TFB1M: variants seen among roughly 807,000 people sequenced by gnomAD.
The protein encoded by TFB1M is dimethyladenosine transferase 1, mitochondrial.
Under a neutral mutation model 31.1 loss-of-function variants are expected in TFB1M, and 27 were observed. The observed-to-expected ratio is 0.87, with a 90% CI of 0.64 to 1.20. TFB1M has a LOEUF of 1.20. TFB1M is among the 50% of genes most tolerant of loss of function. The probability of loss-of-function intolerance (pLI) is 0.00; values close to 1 mark genes in which losing one functional copy is unlikely to be tolerated. For synonymous variants in TFB1M, 166 were observed against 151.8 expected (o/e 1.09, Z -0.69); for missense variants, 394 against 418.7 (o/e 0.94, Z 0.51).
the TFB1M span, among the ~76,000 whole-genome samples, chr6:155,230,932 C>A: frequency 6.6e-6 from 1 of 150,984 alleles, no homozygotes; most frequent in African/African-American, 2.4e-5. Flanking sequence ...CTCCCGGGTT[C>A]AAGCAGTCCT....
At chr6:155,241,893 T>C in the TFB1M span, among the ~76,000 whole-genome samples, 5 of 152,240 alleles carry the variant, frequency 3.3e-5, no homozygotes, top group Non-Finnish European at 7.3e-5. Context: ...AGAGCCCTTC[T>C]GACATCTTGA....
At chr6:155,251,930 T>G (rs781150338), downstream of TFB1M, 3 of 1,590,904 alleles carry the variant, frequency 1.9e-6, no homozygotes, top group African/African-American at 1.4e-5. Context: ...TTTCTTTCTC[T>G]TTTCCTTTCT....
intron 6 of TFB1M, among the ~76,000 whole-genome samples, 184 bp from the exon 7 acceptor site, chr6:155,258,266 A>AACCTGAGGCG (rs1784211527): frequency 6.6e-6 from 1 of 152,050 alleles, no homozygotes; most frequent in South Asian, 2.1e-4. Flanking sequence ...CCACTGAGGC[A>AACCTGAGGCG]GCTCTAACCT....
chr6:155,243,949 C>A, the TFB1M span: 1 of 1,463,358 alleles, frequency 6.8e-7, no homozygotes, highest in South Asian at 1.1e-5. Flanking sequence ...TGCTGCTACC[C>A]AAATCTCATG....
chr6:155,253,067 G>GCAGTATGATGCCA, downstream of TFB1M: 1 of 1,603,316 alleles, frequency 6.2e-7, no homozygotes, highest in South Asian at 1.1e-5. Context: ...ACTGTTTCGT[G>GCAGTATGATGCCA]CAGTATGATG....
chr6:155,290,388 C>CAAAAAAAAAAA (rs1189869721), intron 4 of TFB1M, among the ~76,000 whole-genome samples: 1 of 107,556 alleles, frequency 9.3e-6, no homozygotes, highest in African/African-American at 3.4e-5. Context: ...GACTCGGCCT[C>CAAAAAAAAAAA]AAAAAAAAAA....
At position 155,256,306 on chromosome 6, in the gene TFB1M, C is replaced by CA; in HGVS notation, c.*1529dup. 1.1e-6 allele frequency: 1 copy of CA among 909,694 alleles called. No homozygotes were observed. The allele number at this position is 909,694 out of a possible 1,614,324, so 56.4% of individuals were successfully genotyped here. A position where few individuals can be genotyped will look rare whatever the true frequency, so the allele number is the denominator to read the frequency against. On this transcript the variant is annotated 3_prime_UTR_variant, in exon 7 of 7. Coordinates refer to ENST00000367166, the MANE Select transcript of TFB1M (RefSeq NM_016020.4). ...CTAACTTACAACTGTAAACCTAAGT[C>CA]AAAAATGTCCATGTTTTCAGTAGCT...
At chr6:155,267,156 A>G (rs1440823509) in intron 5 of TFB1M, among the ~76,000 whole-genome samples, 2 of 151,888 alleles carry the variant, frequency 1.3e-5, no homozygotes, top group African/African-American at 4.8e-5. Flanking sequence ...TGTATTTTTA[A>G]TAGAGACTGG....
At chr6:155,259,532 T>G (rs898798335) in intron 6 of TFB1M, among the ~76,000 whole-genome samples, 5 of 152,226 alleles carry the variant, frequency 3.3e-5, no homozygotes, top group Admixed American at 6.5e-5. Context: ...AAAGAGAGAA[T>G]TACAATGAAG....
intron 5 of TFB1M, among the ~76,000 whole-genome samples, chr6:155,269,181 T>G (rs1487623201): frequency 6.6e-6 from 1 of 151,790 alleles, no homozygotes. Flanking sequence ...CTTTTCTAAT[T>G]AGAGGTGGGG....
At chr6:155,245,759 T>TG in the TFB1M span, 4 of 1,441,464 alleles carry the variant, frequency 2.8e-6, no homozygotes, top group African/African-American at 4.3e-5. Flanking sequence ...TTTATAGTTT[T>TG]TTTTTTTTTT....
the TFB1M span, chr6:155,251,013 C>CA: frequency 6.2e-7 from 1 of 1,613,910 alleles, no homozygotes; most frequent in Non-Finnish European, 8.5e-7. Flanking sequence ...CTTGAGCTCA[C>CA]AGTATTTGGT....
At chr6:155,284,982 A>AT (rs1776559915) in intron 5 of TFB1M, among the ~76,000 whole-genome samples, 176 bp downstream of exon 5, 1 of 152,236 alleles carries the variant, frequency 6.6e-6, no homozygotes, top group Non-Finnish European at 1.5e-5. Flanking sequence ...GAGAACAATT[A>AT]TAGTAAGAAC....
At chr6:155,294,868 A>G (rs1292878649) in intron 4 of TFB1M, among the ~76,000 whole-genome samples, 3 of 152,236 alleles carry the variant, frequency 2.0e-5, no homozygotes, top group Non-Finnish European at 4.4e-5. Context: ...TTGTTTGTAA[A>G]AACAGAACGA....
intron 2 of TFB1M, among the ~76,000 whole-genome samples, chr6:155,308,466 C>A (rs1228474401): frequency 2.0e-5 from 3 of 152,180 alleles, no homozygotes; most frequent in Non-Finnish European, 4.4e-5. Context: ...ATCAGGCATA[C>A]ACTGAATCCT....
the TFB1M span, among the ~76,000 whole-genome samples, chr6:155,234,232 T>C: frequency 3.7e-4 from 56 of 152,204 alleles, no homozygotes; most frequent in Non-Finnish European, 7.5e-4. Context: ...ATTCTGCATA[T>C]GCACATCCTG....
chr6:155,275,743 C>T (rs1785162201), intron 5 of TFB1M: 1 of 1,613,982 alleles, frequency 6.2e-7, no homozygotes, highest in Non-Finnish European at 8.5e-7. Context: ...GACTCCAGCT[C>T]CTTGCTTTCA....
At chr6:155,283,931 A>G (rs571486381) in intron 5 of TFB1M, among the ~76,000 whole-genome samples, 3 of 152,354 alleles carry the variant, frequency 2.0e-5, no homozygotes, top group Non-Finnish European at 4.4e-5. Context: ...TTTGAAGATA[A>G]CCTATAAGAT....
At chr6:155,293,013 G>A (rs909888248) in intron 4 of TFB1M, among the ~76,000 whole-genome samples, 5 of 151,626 alleles carry the variant, frequency 3.3e-5, no homozygotes, top group Non-Finnish European at 2.9e-5. Flanking sequence ...TTTATTTTTT[G>A]TAGAGACAAG....
Sources: allele counts gnomAD v4.1 joint callset (sites outside exome capture counted in the v4.1 genomes callset), GRCh38; gene constraint gnomAD v4.1.1; transcripts MANE v1.5; gene names NCBI Gene and HGNC (gene_info 2026-07-23, HGNC 2026-07-21).